CCSER1: variants seen among roughly 807,000 people sequenced by gnomAD.
The protein encoded by CCSER1 is coiled-coil serine rich protein 1.
Under a neutral mutation model 82.0 loss-of-function variants are expected in CCSER1, and 41 were observed. That is an observed-to-expected ratio of 0.50 (90% CI 0.39 to 0.65). The LOEUF (loss-of-function observed/expected upper bound fraction) is 0.65. Ranked by LOEUF, CCSER1 falls within the 30% of genes least tolerant of loss-of-function variation. CCSER1 has a pLI of 0.00. For synonymous variants in CCSER1, 414 were observed against 383.9 expected, an observed-to-expected ratio of 1.08 and a Z score of -0.92; for missense variants, 1,119 against 1,064.2, an observed-to-expected ratio of 1.05 and a Z score of -0.72.
intron 7 of CCSER1, among the ~76,000 whole-genome samples, chr4:90,760,552 A>C (rs928670510): frequency 6.6e-6 from 1 of 152,082 alleles, no homozygotes; most frequent in African/African-American, 2.4e-5. Context: ...ATTTTGAATA[A>C]GCTGTTATTA....
rs544190483 is a variant in CCSER1, at chr4:90,479,033, G to A, written c.1724+10679G>A. On this transcript the variant is annotated intron_variant, in intron 5 of 10. Coordinates refer to ENST00000509176, the MANE Select transcript of CCSER1 (RefSeq NM_001145065.2). ...GGATTACAGGTGTGAGCCCCCACGC[G>A]GGCCTGTACTTTCTTTTAAATTACT... Among the ~76,000 whole-genome samples the A allele has an allele frequency of 5.3e-5, 8 of 151,948 alleles. No homozygotes were observed. The South Asian group carries it at 1.0e-3, about 20-fold the overall frequency.
intron 10 of CCSER1, among the ~76,000 whole-genome samples, chr4:91,463,372 A>G (rs1756632740): frequency 6.6e-6 from 1 of 152,186 alleles, no homozygotes; most frequent in South Asian, 2.1e-4. Flanking sequence ...ACCATCATCA[A>G]AGACCAAAGG....
chr4:90,982,909 A>C (rs1318346385), intron 9 of CCSER1, among the ~76,000 whole-genome samples: 3 of 151,846 alleles, frequency 2.0e-5, no homozygotes, highest in Non-Finnish European at 4.4e-5. Context: ...CAGACCAGTG[A>C]ACCCATACTC....
intron 7 of CCSER1, among the ~76,000 whole-genome samples, chr4:90,777,905 A>C (rs1270624558): frequency 6.6e-6 from 1 of 152,194 alleles, no homozygotes; most frequent in Non-Finnish European, 1.5e-5. Context: ...ACAAGTTCCT[A>C]ACTCAGGGCA....
chr4:91,116,486 G>T (rs991585538), intron 10 of CCSER1, among the ~76,000 whole-genome samples: 2 of 152,166 alleles, frequency 1.3e-5, no homozygotes, highest in African/African-American at 2.4e-5. Flanking sequence ...CAACAGCAAA[G>T]AATTAGAAAC....
chr4:91,074,423 T>C (rs1172920728), intron 9 of CCSER1, among the ~76,000 whole-genome samples: 1 of 152,210 alleles, frequency 6.6e-6, no homozygotes, highest in Non-Finnish European at 1.5e-5. Flanking sequence ...CAGTTAACGA[T>C]GGAGTAGGCA....
At chr4:90,195,563 A>G (rs145236718) in intron 1 of CCSER1, among the ~76,000 whole-genome samples, 1 of 152,052 alleles carries the variant, frequency 6.6e-6, no homozygotes, top group African/African-American at 2.4e-5. Flanking sequence ...AACCCATAGG[A>G]TACGCAAGAC....
intron 6 of CCSER1, among the ~76,000 whole-genome samples, chr4:90,696,167 G>A (rs1330761445): frequency 6.6e-6 from 1 of 152,134 alleles, no homozygotes; most frequent in East Asian, 1.9e-4. Flanking sequence ...TGAAAATAAA[G>A]TGTGCCACCA....
At position 90,780,094 on chromosome 4, in the gene CCSER1, T is replaced by A. The variant is rs542245525; in HGVS notation, c.2011-35668T>A. Among the ~76,000 whole-genome samples, 14 of 152,346 alleles carry A rather than the reference T, an allele frequency of 9.2e-5. No individual in the cohort carries two copies. The East Asian group carries it at 2.7e-3, about 29-fold the overall frequency. On this transcript the variant is annotated intron_variant, in intron 7 of 10. Coordinates refer to ENST00000509176, the MANE Select transcript of CCSER1 (RefSeq NM_001145065.2). The stretch of plus-strand genomic sequence containing the variant: ...AGCCACTTATAAGTAGGTATCTTTT[T>A]ATTTACTGTCAAAAGAACCCTCACT...
At chr4:91,211,709 C>A (rs1736837592) in intron 10 of CCSER1, among the ~76,000 whole-genome samples, 1 of 151,882 alleles carries the variant, frequency 6.6e-6, no homozygotes, top group African/African-American at 2.4e-5. Context: ...TCTCAATATC[C>A]TCATATAAAA....
chr4:90,717,494 C>T (rs778858451), intron 6 of CCSER1, among the ~76,000 whole-genome samples: 1 of 152,040 alleles, frequency 6.6e-6, no homozygotes, highest in Non-Finnish European at 1.5e-5. Context: ...TCCTATCGCT[C>T]TTGTTTTGGT....
At chr4:90,703,413 T>A (rs1300679262) in intron 6 of CCSER1, among the ~76,000 whole-genome samples, 1 of 152,212 alleles carries the variant, frequency 6.6e-6, no homozygotes, top group Non-Finnish European at 1.5e-5. Flanking sequence ...AATTTTGGAA[T>A]AAGTGCAGTG....
intron 10 of CCSER1, among the ~76,000 whole-genome samples, chr4:91,187,264 T>C (rs911331643): frequency 1.3e-5 from 2 of 152,236 alleles, no homozygotes; most frequent in East Asian, 1.9e-4. Context: ...ACTGGAGCTG[T>C]TCCTATTCGG....
Position 90,158,193 on chromosome 4 carries a change from T to A in CCSER1, c.-42+30362T>A, listed in dbSNP as rs545713793. On this transcript the variant is annotated intron_variant, in intron 1 of 10. Transcript: ENST00000509176. ...CGTGGTGGCTGCATAAACAGCGGAT[T>A]TTCGTGAACCGCAAATGCTGCTGTC... is the stretch of plus-strand genomic sequence containing the variant. Among the ~76,000 whole-genome samples, 8 of 152,260 alleles carry A rather than the reference T, an allele frequency of 5.3e-5. No individual in the cohort carries two copies. The South Asian group carries it at 1.7e-3, about 32-fold the overall frequency.
intron 5 of CCSER1, among the ~76,000 whole-genome samples, chr4:90,499,404 A>C (rs932082328): frequency 2.0e-5 from 3 of 152,062 alleles, no homozygotes; most frequent in African/African-American, 7.2e-5. Context: ...TTTTCTGCCT[A>C]TTTAAATTTC....
intron 10 of CCSER1, among the ~76,000 whole-genome samples, chr4:91,593,700 G>C (rs1560787770): frequency 6.6e-6 from 1 of 151,954 alleles, no homozygotes; most frequent in Non-Finnish European, 1.5e-5. Flanking sequence ...GAATCATTGA[G>C]AAAAATGCAA....
At chr4:90,755,577 A>C (rs1387170312) in intron 7 of CCSER1, among the ~76,000 whole-genome samples, 1 of 152,242 alleles carries the variant, frequency 6.6e-6, no homozygotes, top group Non-Finnish European at 1.5e-5. Context: ...TTTAAAAACA[A>C]GAAAAATGAA....
chr4:91,328,107 C>G (rs562685274), intron 10 of CCSER1, among the ~76,000 whole-genome samples: 1 of 152,310 alleles, frequency 6.6e-6, no homozygotes, highest in East Asian at 1.9e-4. Context: ...CTAACTTCTG[C>G]CCATTACCCA....
chr4:90,475,787 G>A (rs1002808699), intron 5 of CCSER1, among the ~76,000 whole-genome samples: 2 of 152,124 alleles, frequency 1.3e-5, no homozygotes, highest in Non-Finnish European at 2.9e-5. Context: ...ACAGAATACT[G>A]GCCCAGAAGG....
Sources: gnomAD v4.1 joint callset for allele counts (sites outside exome capture counted in the v4.1 genomes callset) on GRCh38, gnomAD v4.1.1 for gene constraint, MANE v1.5 for transcripts, NCBI Gene and HGNC (gene_info 2026-07-23, HGNC 2026-07-21) for gene names.